Variants in TDRD5 observed in about 807,000 individuals in gnomAD.
The protein encoded by TDRD5 is tudor domain containing 5, also known as tudor domain-containing protein 5.
Under a neutral mutation model 120.6 loss-of-function variants are expected in TDRD5, and 41 were observed. That is an observed-to-expected ratio of 0.34 (90% CI 0.26 to 0.44). The LOEUF (loss-of-function observed/expected upper bound fraction) is 0.44. Among genes scored for constraint, TDRD5 ranks in the 20% least tolerant of loss-of-function variants. The pLI, the probability that TDRD5 is intolerant of heterozygous loss-of-function variation, is 1.00. For synonymous variants in TDRD5, 430 were observed against 433.7 expected, an observed-to-expected ratio of 0.99 and a Z score of 0.11; for missense variants, 1,006 against 1,221.2, an observed-to-expected ratio of 0.82 and a Z score of 2.63.
chr1:179,659,919 C>T (rs866238284), intron 14 of TDRD5, among the ~76,000 whole-genome samples: 15 of 152,038 alleles, frequency 9.9e-5, no homozygotes, highest in African/African-American at 1.9e-4. Flanking sequence ...TGGTCTTGAA[C>T]TCCCGACCTC....
At chr1:179,643,794 A>G (rs1572389435) in intron 11 of TDRD5, among the ~76,000 whole-genome samples, 1 of 152,152 alleles carries the variant, frequency 6.6e-6, no homozygotes, top group Non-Finnish European at 1.5e-5. Context: ...AAGGAAGGCC[A>G]AAAATTTCCA....
chr1:179,613,270 T>C (rs1488782838), intron 4 of TDRD5, among the ~76,000 whole-genome samples: 2 of 152,142 alleles, frequency 1.3e-5, no homozygotes, highest in Non-Finnish European at 2.9e-5. Flanking sequence ...TTAACAATTA[T>C]CAGAAGGAGC....
intron 4 of TDRD5, among the ~76,000 whole-genome samples, chr1:179,611,277 CCT>C (rs1465030314): frequency 2.0e-5 from 3 of 152,016 alleles, no homozygotes; most frequent in Non-Finnish European, 4.4e-5. Context: ...GTCTCGAATT[CCT>C]GACCTTGAAT....
chr1:179,592,918 G>A (rs982618842), intron 2 of TDRD5, 71 bp downstream of exon 2: 10 of 1,445,738 alleles, frequency 6.9e-6, no homozygotes, highest in Non-Finnish European at 9.5e-6. Context: ...AATTATTCTA[G>A]TTCTGCAGTT....
chr1:179,632,205 C>G (rs187782136), intron 7 of TDRD5, among the ~76,000 whole-genome samples: 2 of 152,070 alleles, frequency 1.3e-5, no homozygotes, highest in African/African-American at 4.8e-5. Context: ...CACTCCCGGC[C>G]GTGACCTTCT....
intron 6 of TDRD5, among the ~76,000 whole-genome samples, chr1:179,623,634 T>TC (rs1475709269): frequency 7.1e-6 from 1 of 141,052 alleles, no homozygotes; most frequent in Non-Finnish European, 1.5e-5. Context: ...TCTTTTTTTT[T>TC]TTTTTTTTTT....
At chr1:179,636,549 TG>T (rs1677773696) in intron 9 of TDRD5, among the ~76,000 whole-genome samples, 1 of 152,252 alleles carries the variant, frequency 6.6e-6, no homozygotes, top group African/African-American at 2.4e-5. Flanking sequence ...AGCACAAAGC[TG>T]CTTCTAAGCA....
chr1:179,613,694 T>C (rs1403196819), intron 4 of TDRD5, among the ~76,000 whole-genome samples: 1 of 152,178 alleles, frequency 6.6e-6, no homozygotes, highest in East Asian at 1.9e-4. Context: ...GCCTCTCTAA[T>C]AGGGGCACTA....
chr1:179,663,585 A>C, intron 16 of TDRD5, 94 bp downstream of exon 16: 1 of 1,473,822 alleles, frequency 6.8e-7, no homozygotes, highest in African/African-American at 1.4e-5. Context: ...ATATTTTGAT[A>C]TTGCCTGTCT....
intron 15 of TDRD5, among the ~76,000 whole-genome samples, chr1:179,662,605 A>T (rs1679372347): frequency 6.6e-6 from 1 of 152,148 alleles, no homozygotes; most frequent in Non-Finnish European, 1.5e-5. Context: ...CTAAAAAAAA[A>T]TAGGAAAAGA....
chr1:179,674,963 C>T (rs963451299), intron 17 of TDRD5, among the ~76,000 whole-genome samples: 6 of 152,020 alleles, frequency 3.9e-5, no homozygotes, highest in African/African-American at 1.2e-4. Context: ...AATGGTCTTT[C>T]AATTTTTATC....
At chr1:179,631,851 A>ATTT (rs745777571) in intron 7 of TDRD5, among the ~76,000 whole-genome samples, 1,402 of 73,874 alleles carry the variant, frequency 0.019, 22 homozygotes, top group African/African-American at 0.033. Context: ...AGGGCACTTG[A>ATTT]TTTTTTTTTT....
At chr1:179,624,168 A>G (rs1179040519) in intron 6 of TDRD5, among the ~76,000 whole-genome samples, 1 of 152,236 alleles carries the variant, frequency 6.6e-6, no homozygotes, top group East Asian at 1.9e-4. Context: ...TAGAATAACA[A>G]GGAAGAAAAG....
chr1:179,594,498 C>T (rs1675282456), intron 3 of TDRD5, among the ~76,000 whole-genome samples: 1 of 152,204 alleles, frequency 6.6e-6, no homozygotes, highest in South Asian at 2.1e-4. Context: ...GTTAGATACC[C>T]AGCTCTTATT....
intron 4 of TDRD5, among the ~76,000 whole-genome samples, chr1:179,607,831 A>C (rs1252516200): frequency 2.0e-5 from 3 of 151,912 alleles, no homozygotes; most frequent in Non-Finnish European, 2.9e-5. Flanking sequence ...ATAAAAGTCA[A>C]ATTTTAAGAG....
At chr1:179,621,463 C>T (rs1676839868) in intron 6 of TDRD5, among the ~76,000 whole-genome samples, 1 of 151,970 alleles carries the variant, frequency 6.6e-6, no homozygotes, top group South Asian at 2.1e-4. Flanking sequence ...AAGGTATGCA[C>T]CCTCAGGGAT....
chr1:179,606,383 T>C (rs72706715), intron 4 of TDRD5, among the ~76,000 whole-genome samples: 24 of 151,988 alleles, frequency 1.6e-4, no homozygotes, highest in African/African-American at 4.8e-4. Flanking sequence ...TTTTCTTCTA[T>C]TCTGTGGCTT....
At chr1:179,627,595 G>A (rs946395601) in intron 6 of TDRD5, among the ~76,000 whole-genome samples, 1 of 152,064 alleles carries the variant, frequency 6.6e-6, no homozygotes, top group African/African-American at 2.4e-5. Context: ...ACATCTTGTC[G>A]TACCAGACCA....
intron 9 of TDRD5, among the ~76,000 whole-genome samples, chr1:179,637,021 A>T (rs777187957): frequency 6.6e-6 from 1 of 152,208 alleles, no homozygotes; most frequent in Non-Finnish European, 1.5e-5. Context: ...TCTACTAAAA[A>T]TTGTCCTTTG....
Sources: gnomAD v4.1 joint callset for allele counts (sites outside exome capture counted in the v4.1 genomes callset) on GRCh38, gnomAD v4.1.1 for gene constraint, MANE v1.5 for transcripts, NCBI Gene and HGNC (gene_info 2026-07-23, HGNC 2026-07-21) for gene names.